Variants in HCN1 observed in about 807,000 individuals in gnomAD.
HCN1 encodes potassium/sodium hyperpolarization-activated cyclic nucleotide-gated channel 1.
A neutral mutation model predicts 78.9 loss-of-function variants in HCN1; 13 were observed. The observed-to-expected ratio is 0.16, with a 90% confidence interval of 0.11 to 0.26. The LOEUF is 0.26. Among genes scored for constraint, HCN1 ranks in the 10% least tolerant of loss-of-function variants. The pLI, the probability that HCN1 is intolerant of heterozygous loss-of-function variation, is 1.00. For synonymous variants in HCN1, 552 were observed against 455.5 expected (o/e 1.21, Z -2.70); for missense variants, 810 against 1,154.3 (o/e 0.70, Z 4.32).
intron 4 of HCN1, among the ~76,000 whole-genome samples, chr5:45,380,789 C>T (rs961194667): frequency 2.6e-5 from 4 of 151,998 alleles, no homozygotes; most frequent in African/African-American, 7.2e-5. Flanking sequence ...ATAAGGAAAT[C>T]GTTTTATTAT....
chr5:45,604,868 G>A (rs1007265778), intron 2 of HCN1, among the ~76,000 whole-genome samples: 8 of 151,930 alleles, frequency 5.3e-5, no homozygotes, highest in Non-Finnish European at 1.2e-4. Context: ...CCCAAAGACC[G>A]CATCTAAACA....
At chr5:45,305,590 G>T (rs1208979440) in intron 5 of HCN1, among the ~76,000 whole-genome samples, 1 of 151,886 alleles carries the variant, frequency 6.6e-6, no homozygotes, top group Non-Finnish European at 1.5e-5. Flanking sequence ...CATGGAGTGT[G>T]GGTCTATAAC....
intron 3 of HCN1, among the ~76,000 whole-genome samples, chr5:45,452,554 T>C (rs1740946826): frequency 6.6e-6 from 1 of 151,724 alleles, no homozygotes; most frequent in African/African-American, 2.4e-5. Flanking sequence ...CCTCTCCCTC[T>C]CCCACCCTCC....
chr5:45,375,848 A>C (rs181084849), intron 4 of HCN1, among the ~76,000 whole-genome samples: 2,734 of 116,874 alleles, frequency 0.023, 224 homozygotes, highest in African/African-American at 0.071. Flanking sequence ...TATATAATAT[A>C]ATATTTTATG....
intron 2 of HCN1, among the ~76,000 whole-genome samples, chr5:45,529,925 T>A (rs896252266): frequency 6.6e-6 from 1 of 152,172 alleles, no homozygotes; most frequent in African/African-American, 2.4e-5. Flanking sequence ...GTGACAGTTT[T>A]ACAGTATTGT....
Position 45,353,164 on chromosome 5 carries a change from C to T in HCN1, c.1313G>A (p.Arg438Lys). ...CTCATCAAAGATTTTGCCTTGGTAT[C>T]TGTGTTCATAGTAATCATGTATCTT... ...RQKIHDYYEHRYQGKIFDEEN... is the reference protein window; with the variant it reads ...RQKIHDYYEHKYQGKIFDEEN... The change falls in exon 5 of 8, where the codon AGA becomes AAA. Residue 438 changes from arginine to lysine, a missense_variant. By Grantham distance (26) the Arg-to-Lys change is conservative. This residue lies in a region of HCN1 where 100 missense variants were observed against 126.8 expected (regional missense o/e 0.79). Coordinates refer to ENST00000303230, the MANE Select transcript of HCN1 (RefSeq NM_021072.4). The T allele has an allele frequency of 6.2e-7, 1 of 1,610,632 alleles. No homozygotes were observed. Among genetic ancestry groups the T allele is most frequent in the Non-Finnish European group, 8.5e-7 (1 of 1,177,530 alleles).
intron 4 of HCN1, among the ~76,000 whole-genome samples, chr5:45,377,169 A>G (rs866642847): frequency 1.3e-5 from 2 of 152,004 alleles, no homozygotes; most frequent in Admixed American, 6.6e-5. Context: ...AATAAACGTA[A>G]GCCTTGTGAA....
At chr5:45,401,429 C>T (rs1382564076) in intron 3 of HCN1, among the ~76,000 whole-genome samples, 4 of 151,890 alleles carry the variant, frequency 2.6e-5, no homozygotes, top group Admixed American at 1.3e-4. Flanking sequence ...ATATTTATTC[C>T]TAATTTATCA....
intron 2 of HCN1, among the ~76,000 whole-genome samples, chr5:45,516,514 A>G (rs1047890170): frequency 2.0e-5 from 3 of 152,020 alleles, no homozygotes; most frequent in African/African-American, 2.4e-5. Flanking sequence ...ATTCATAAAT[A>G]AAACTTCCTC....
At chr5:45,288,661 T>C (rs902665486) in intron 6 of HCN1, among the ~76,000 whole-genome samples, 11 of 152,018 alleles carry the variant, frequency 7.2e-5, no homozygotes, top group African/African-American at 2.7e-4. Context: ...TAAATTAATT[T>C]GCAATATTAT....
chr5:45,263,698 T>C (rs1329658340), intron 7 of HCN1, among the ~76,000 whole-genome samples: 2 of 152,200 alleles, frequency 1.3e-5, no homozygotes, highest in African/African-American at 2.4e-5. Flanking sequence ...CAATTAAATC[T>C]AAATAATCAT....
chr5:45,629,836 C>G (rs917132725), intron 2 of HCN1, among the ~76,000 whole-genome samples: 2 of 152,094 alleles, frequency 1.3e-5, no homozygotes, highest in Non-Finnish European at 2.9e-5. Context: ...TTAAATTATG[C>G]TAATATTCAT....
intron 2 of HCN1, among the ~76,000 whole-genome samples, chr5:45,588,639 T>G (rs1300910913): frequency 6.6e-6 from 1 of 152,168 alleles, no homozygotes; most frequent in Non-Finnish European, 1.5e-5. Context: ...TCTTTATCTT[T>G]TAACTACTAC....
intron 3 of HCN1, among the ~76,000 whole-genome samples, chr5:45,410,554 C>T (rs1009330869): frequency 2.0e-4 from 30 of 152,020 alleles, no homozygotes; most frequent in African/African-American, 6.3e-4. Context: ...TTTTAAAAGT[C>T]ATATTCTTAT....
chr5:45,322,398 C>T (rs1264668023), intron 5 of HCN1, among the ~76,000 whole-genome samples: 1 of 151,712 alleles, frequency 6.6e-6, no homozygotes, highest in Non-Finnish European at 1.5e-5. Flanking sequence ...TTATTAAATG[C>T]TTTGTGCTTT....
intron 2 of HCN1, among the ~76,000 whole-genome samples, chr5:45,572,768 A>C (rs562683987): frequency 6.6e-6 from 1 of 152,190 alleles, no homozygotes; most frequent in Non-Finnish European, 1.5e-5. Context: ...CAATTTAGCT[A>C]TTGAGGATAC....
intron 6 of HCN1, among the ~76,000 whole-genome samples, chr5:45,278,544 G>C (rs1240069180): frequency 6.6e-6 from 1 of 151,976 alleles, no homozygotes; most frequent in Non-Finnish European, 1.5e-5. Context: ...GACCACTAAT[G>C]AGCAAATTGA....
At chr5:45,665,307 G>T in intron 1 of HCN1, among the ~76,000 whole-genome samples, 1 of 121,258 alleles carries the variant, frequency 8.2e-6, no homozygotes, top group Admixed American at 9.1e-5. Context: ...GTGGGGTGGG[G>T]GGAGGGGGGA....
At chr5:45,309,914 T>A (rs1285510020) in intron 5 of HCN1, among the ~76,000 whole-genome samples, 1 of 152,188 alleles carries the variant, frequency 6.6e-6, no homozygotes, top group Admixed American at 6.5e-5. Flanking sequence ...CCTTTTCGAC[T>A]TTTTGGAAAA....
Sources: allele counts gnomAD v4.1 joint callset (sites outside exome capture counted in the v4.1 genomes callset), GRCh38; gene constraint gnomAD v4.1.1; regional missense constraint gnomAD v4.1.1; transcripts MANE v1.5; gene names NCBI Gene and HGNC (gene_info 2026-07-23, HGNC 2026-07-21).